ALOX5: variants seen among roughly 807,000 people sequenced by gnomAD.
ALOX5 encodes arachidonate 5-lipoxygenase.
A neutral mutation model predicts 87.9 loss-of-function variants in ALOX5; 64 were observed. The ratio of observed to expected loss-of-function variants is 0.73; its 90% CI spans 0.60 to 0.90. The LOEUF is 0.90. ALOX5 is among the 40% of genes least tolerant of loss of function. The probability of loss-of-function intolerance (pLI) is 0.00; values close to 1 mark genes in which losing one functional copy is unlikely to be tolerated. For synonymous variants in ALOX5, 388 were observed against 355.1 expected (o/e 1.09, Z -1.04); for missense variants, 822 against 907.5 (o/e 0.91, Z 1.21).
intron 7 of ALOX5, among the ~76,000 whole-genome samples, chr10:45,430,834 C>T (rs1256398333): frequency 6.6e-6 from 1 of 152,210 alleles, no homozygotes; most frequent in Non-Finnish European, 1.5e-5. Flanking sequence ...CACTAGACAG[C>T]TGACATTTCC....
At position 45,443,222 on chromosome 10, in the gene ALOX5, C is replaced by A. The variant is rs763979010; in HGVS notation, c.1451+6C>A. The A allele has an allele frequency of 6.8e-6, 11 of 1,611,166 alleles. No homozygotes were observed. The African/African-American group carries it at 1.3e-4, about 20-fold the overall frequency. ...GTGTGGGAAGCCATCAGGACGTGAG[C>A]GCCCGCGGGGCGGTGGTCCTGGGGG... On this transcript the variant is annotated splice_donor_region_variant and intron_variant, in intron 10 of 13. Coordinates refer to ENST00000374391, the MANE Select transcript of ALOX5 (RefSeq NM_000698.5).
intron 1 of ALOX5, among the ~76,000 whole-genome samples, chr10:45,376,205 C>T (rs901333252): frequency 7.1e-6 from 1 of 140,854 alleles, no homozygotes; most frequent in Admixed American, 7.0e-5. Context: ...CTGTCTTCCC[C>T]TACCCTGAGA....
chr10:45,412,140 C>A, intron 3 of ALOX5, 51 bp from the exon 4 acceptor site: 1 of 1,611,122 alleles, frequency 6.2e-7, no homozygotes, highest in East Asian at 2.2e-5. Flanking sequence ...GCTGAGGGGG[C>A]AGACCAAAGG....
intron 3 of ALOX5, among the ~76,000 whole-genome samples, chr10:45,400,892 C>T (rs373099598): frequency 3.9e-5 from 6 of 152,188 alleles, no homozygotes; most frequent in African/African-American, 1.4e-4. Flanking sequence ...ACACATACAA[C>T]TCTGCAAATA....
chr10:45,391,514 C>T (rs1169525508), intron 2 of ALOX5, among the ~76,000 whole-genome samples: 3 of 151,978 alleles, frequency 2.0e-5, no homozygotes, highest in African/African-American at 7.3e-5. Flanking sequence ...CCGGCCGCCA[C>T]CCCGTCTGGG....
At position 45,440,554 on chromosome 10, in the gene ALOX5, T is replaced by A; in HGVS notation, c.1106T>A (p.Leu369His). 3 of 1,614,226 alleles carry A rather than the reference T, an allele frequency of 1.9e-6. No homozygotes were observed. In the South Asian group the frequency reaches 3.3e-5, roughly 18 times the overall value. Residue 369 changes from leucine (L) to histidine (H), a missense_variant, in exon 8 of 14, where the codon CTT becomes CAT. Leu to His is a moderately conservative substitution (Grantham distance 99). Transcript: ENST00000374391. ...CACGTCCACCAGACCATCACCCACCTTCTGCGAACACATCTGGTGTCTGAG... is the reference window on the plus strand; with the variant it reads ...CACGTCCACCAGACCATCACCCACCATCTGCGAACACATCTGGTGTCTGAG... The part of the protein sequence containing the change: ...DFHVHQTITH[L>H]LRTHLVSEVF...
At position 45,425,579 on chromosome 10, in the gene ALOX5, T is replaced by A. The variant is rs971732579; in HGVS notation, c.834+447T>A. Among the ~76,000 whole-genome samples the A allele has an allele frequency of 3.9e-5, 6 of 152,160 alleles. No homozygotes were observed. The highest frequency in any genetic ancestry group is 7.4e-5 in the Non-Finnish European group (5 of 68,024). On this transcript the variant is annotated intron_variant, in intron 6 of 13. Transcript: ENST00000374391. This position sits in a 1 kb window ranked among gnomAD's most constrained non-coding sequence, Gnocchi z 4.4. Reference sequence around the variant, plus strand: ...GGGCACGAGGAGAAACCCAACAGAATGGTTGATTTTCTCGTTAGAAATGCT... The same window carrying A: ...GGGCACGAGGAGAAACCCAACAGAAAGGTTGATTTTCTCGTTAGAAATGCT...
chr10:45,392,173 C>T (rs1302020820), intron 2 of ALOX5, among the ~76,000 whole-genome samples: 1 of 151,782 alleles, frequency 6.6e-6, no homozygotes, highest in Non-Finnish European at 1.5e-5. Flanking sequence ...AGTGAGGAGC[C>T]CCTCTGCCTG....
intron 4 of ALOX5, among the ~76,000 whole-genome samples, chr10:45,421,461 C>T (rs1841505649): frequency 6.6e-6 from 1 of 152,240 alleles, no homozygotes; most frequent in African/African-American, 2.4e-5. Flanking sequence ...GCTCTCGGGG[C>T]CTGCGTAGGC....
chr10:45,392,721 A>G (rs1309276009), intron 2 of ALOX5, among the ~76,000 whole-genome samples: 5 of 151,610 alleles, frequency 3.3e-5, no homozygotes, highest in African/African-American at 1.2e-4. Context: ...AAAAGAAAAA[A>G]AAAAGAAGAG....
chr10:45,383,579 C>T (rs1051865781), intron 2 of ALOX5, among the ~76,000 whole-genome samples: 1 of 152,214 alleles, frequency 6.6e-6, no homozygotes, highest in Non-Finnish European at 1.5e-5. Flanking sequence ...TGCCAAGTTT[C>T]CTGTAGCTAG....
rs1480469744 is a variant in ALOX5 at position 45,428,767 on chromosome 10, A to AG, written c.981+5dup. ...AGATTGTCCCCATTGCCATCCAGGT[A>AG]GGCTGCTGGGGGGCACACCTTTCTG... On this transcript the variant is annotated splice_donor_region_variant and intron_variant, in intron 7 of 13. Coordinates refer to ENST00000374391, the MANE Select transcript of ALOX5 (RefSeq NM_000698.5). 3 of 1,613,718 alleles carry AG rather than the reference A, an allele frequency of 1.9e-6. No homozygotes were observed. The highest frequency in any genetic ancestry group is 3.3e-5 in the Admixed American group (2 of 60,020).
At chr10:45,407,680 TGAG>T (rs1457189712) in intron 3 of ALOX5, among the ~76,000 whole-genome samples, 1 of 152,070 alleles carries the variant, frequency 6.6e-6, no homozygotes, top group Non-Finnish European at 1.5e-5. Flanking sequence ...CATAAACAAA[TGAG>T]GCAGAGGAAA....
intron 1 of ALOX5, among the ~76,000 whole-genome samples, chr10:45,381,147 G>A (rs896911897): frequency 1.3e-5 from 2 of 152,216 alleles, no homozygotes; most frequent in African/African-American, 4.8e-5. Context: ...GGCAGGGAGG[G>A]GGCCAAGCAG....
At position 45,443,888 on chromosome 10, in the gene ALOX5, C is replaced by G. The variant is rs1228803609; in HGVS notation, c.1674+60C>G. On this transcript the variant is annotated intron_variant, in intron 12 of 13. Coordinates refer to ENST00000374391, the MANE Select transcript of ALOX5 (RefSeq NM_000698.5). ...TTCTCAAGGCCGCTGCCTCCTCCCC[C>G]GCCCCGGTTCTGCACGCGTACTGCA... 15 of 1,525,526 alleles carry G rather than the reference C, an allele frequency of 9.8e-6. No homozygotes were observed. The Admixed American group carries it at 2.2e-4, about 22-fold the overall frequency. 94.5% of individuals were successfully genotyped at this position (1,525,526 alleles called of 1,614,324 possible).
intron 7 of ALOX5, among the ~76,000 whole-genome samples, chr10:45,434,846 A>T (rs1006508388): frequency 1.3e-5 from 2 of 152,236 alleles, no homozygotes; most frequent in African/African-American, 4.8e-5. Context: ...GCAAAGACCT[A>T]TGAAAGGAGG....
At chr10:45,443,988 C>A in intron 12 of ALOX5, 128 bp from the exon 13 acceptor site, 1 of 1,436,432 alleles carries the variant, frequency 7.0e-7, no homozygotes, top group Non-Finnish European at 9.3e-7. Flanking sequence ...GCGCTGGCCG[C>A]GGGGAAAGAG....
rs1371797954 is a variant in ALOX5 at position 45,436,416 on chromosome 10, G to C, written c.982-4014G>C. 8.5e-5 allele frequency among the ~76,000 whole-genome samples: 13 copies of C among 152,228 alleles called. No homozygotes were observed. In the East Asian group the frequency reaches 2.5e-3, roughly 29 times the overall value. ...ATTTAAGTCTGTAATCCATCTAGAGGTAATTTTTGTATATGGTGAGAGGTA... is the reference window on the plus strand; with the variant it reads ...ATTTAAGTCTGTAATCCATCTAGAGCTAATTTTTGTATATGGTGAGAGGTA... On this transcript the variant is annotated intron_variant, in intron 7 of 13. Coordinates refer to ENST00000374391, the MANE Select transcript of ALOX5 (RefSeq NM_000698.5).
rs577982205 is a variant in ALOX5 at position 45,444,682 on chromosome 10, G to A, written c.1845+396G>A. On this transcript the variant is annotated intron_variant, in intron 13 of 13. Transcript: ENST00000374391. ...TAACAACTGAATCCGGTGTGTCTTC[G>A]TGGATGCACCCGCTTTGGGGTAGCT... 3 of 201,634 alleles carry A rather than the reference G, an allele frequency of 1.5e-5. No individual in the cohort carries two copies. In the South Asian group the frequency reaches 4.3e-4, roughly 29 times the overall value. The allele number at this position is 201,634 out of a possible 1,614,324, so 12.5% of individuals were successfully genotyped here.
Sources: gnomAD v4.1 joint callset for allele counts (sites outside exome capture counted in the v4.1 genomes callset) on GRCh38, gnomAD v4.1.1 for gene constraint, Gnocchi (gnomAD v3.1) non-coding constraint, MANE v1.5 for transcripts, NCBI Gene and HGNC (gene_info 2026-07-23, HGNC 2026-07-21) for gene names.